SEMA5A: variants seen among roughly 807,000 people sequenced by gnomAD.
SEMA5A encodes semaphorin 5A.
A neutral mutation model predicts 135.5 loss-of-function variants in SEMA5A; 55 were observed. The observed-to-expected ratio is 0.41, with a 90% confidence interval of 0.33 to 0.51. SEMA5A has a LOEUF of 0.51. Among genes scored for constraint, SEMA5A ranks in the 20% least tolerant of loss-of-function variants. SEMA5A has a pLI of 0.37. For missense variants in SEMA5A, 1,290 were observed against 1,419.9 expected, an observed-to-expected ratio of 0.91 and a Z score of 1.47; for synonymous variants, 580 against 546.5, an observed-to-expected ratio of 1.06 and a Z score of -0.85.
chr5:9,460,794 G>C (rs548502047), intron 1 of SEMA5A, among the ~76,000 whole-genome samples: 1 of 152,208 alleles, frequency 6.6e-6, no homozygotes, highest in East Asian at 1.9e-4. Context: ...GAAATTATTT[G>C]CTATATTAAA....
intron 17 of SEMA5A, among the ~76,000 whole-genome samples, chr5:9,064,244 G>C (rs1192445779): frequency 6.6e-6 from 1 of 152,212 alleles, no homozygotes; most frequent in Non-Finnish European, 1.5e-5. Context: ...AGAGGAAAAT[G>C]AGTCCCATTT....
chr5:9,531,732 A>T (rs1737452119), intron 1 of SEMA5A, among the ~76,000 whole-genome samples: 1 of 152,164 alleles, frequency 6.6e-6, no homozygotes. Flanking sequence ...AGAGAGGAAA[A>T]ACCATCTCTA....
chr5:9,201,809 G>A, intron 9 of SEMA5A, 146 bp downstream of exon 9: 1 of 727,428 alleles, frequency 1.4e-6, no homozygotes. Flanking sequence ...GTAGTCTACT[G>A]AAAAGTCCTC....
At chr5:9,427,961 A>G (rs1256013288) in intron 2 of SEMA5A, among the ~76,000 whole-genome samples, 2 of 152,002 alleles carry the variant, frequency 1.3e-5, no homozygotes, top group Non-Finnish European at 2.9e-5. Flanking sequence ...ATCTGTTTCT[A>G]TATCTATTTA....
In SEMA5A at chr5:9,066,512, G is replaced by A; in HGVS notation, c.2208C>T (p.Arg736=). 4.3e-6 allele frequency: 7 copies of A among 1,614,150 alleles called. No homozygotes were observed. Among genetic ancestry groups the A allele is most frequent in the Non-Finnish European group, 5.1e-6 (6 of 1,180,024 alleles). Reference sequence around the variant, plus strand: ...CTTCCAGCAAATTCGGATCAGCCAGGCGGGCTTTGCATGTGTATCGGAATC... The same window carrying A: ...CTTCCAGCAAATTCGGATCAGCCAGACGGGCTTTGCATGTGTATCGGAATC... The part of the protein sequence containing the change: ...EQRFRYTCKA[R]LADPNLLEVG... Residue 736 remains arginine, a synonymous_variant, in exon 17 of 23, where the codon CGC becomes CGT. Transcript: ENST00000382496.
intron 15 of SEMA5A, among the ~76,000 whole-genome samples, chr5:9,112,476 T>C (rs1397745612): frequency 6.6e-6 from 1 of 152,194 alleles, no homozygotes; most frequent in Non-Finnish European, 1.5e-5. Flanking sequence ...TGATCAGCCC[T>C]CTACTGGGCC....
chr5:9,340,250 CCA>C (rs992406221), intron 3 of SEMA5A, among the ~76,000 whole-genome samples: 7 of 152,152 alleles, frequency 4.6e-5, no homozygotes, highest in African/African-American at 1.7e-4. Context: ...GGACCAGGCT[CCA>C]GAGTGAATAT....
At position 9,406,034 on chromosome 5, in the gene SEMA5A, A is replaced by T. The variant is rs140286533; in HGVS notation, c.-77-26011T>A. 1.8e-3 allele frequency among the ~76,000 whole-genome samples: 280 copies of T among 152,350 alleles called. 1 individual carries two copies. Among genetic ancestry groups the T allele is most frequent in the African/African-American group, 6.5e-3 (271 of 41,580 alleles). On this transcript the variant is annotated intron_variant, in intron 2 of 22. Coordinates refer to ENST00000382496, the MANE Select transcript of SEMA5A (RefSeq NM_003966.3). ...GGTTTCCAATTTACCATGAATGATG[A>T]TGGTACTACAGGTCTTCTGCCTTAC...
intron 4 of SEMA5A, among the ~76,000 whole-genome samples, chr5:9,321,453 T>A (rs9313272): frequency 0.17 from 25,673 of 152,162 alleles, 2,695 homozygotes; most frequent in South Asian, 0.23. Context: ...GGAGTCAGCA[T>A]TACCTAGCAA....
rs926387759 is a variant in SEMA5A at position 9,039,028 on chromosome 5, CTT to C, written c.*3867_*3868del. 1.3e-5 allele frequency: 2 copies of C among 152,338 alleles called. No individual in the cohort carries two copies. The highest frequency in any genetic ancestry group is 2.9e-5 in the Non-Finnish European group (2 of 68,178). 9.4% of individuals were successfully genotyped at this position (152,338 alleles called of 1,614,324 possible). A position where few individuals can be genotyped will look rare whatever the true frequency, so the allele number is the denominator to read the frequency against. On this transcript the variant is annotated 3_prime_UTR_variant, in exon 23 of 23. Transcript: ENST00000382496. ...ATAGGCATGAGCCACTGCACCCAGC[CTT>C]TGTCCATGATTTTGACAGCATGACC...
At chr5:9,471,204 G>A (rs537915757) in intron 1 of SEMA5A, among the ~76,000 whole-genome samples, 7 of 152,218 alleles carry the variant, frequency 4.6e-5, no homozygotes, top group African/African-American at 1.7e-4. Flanking sequence ...AAGTCTACAA[G>A]AACGGTAATA....
chr5:9,512,902 T>C (rs1314428141), intron 1 of SEMA5A, among the ~76,000 whole-genome samples: 2 of 152,082 alleles, frequency 1.3e-5, no homozygotes, highest in Non-Finnish European at 2.9e-5. Flanking sequence ...AATTTCAAAG[T>C]TTTTCAGTAA....
chr5:9,083,844 C>T (rs984682935), intron 16 of SEMA5A, among the ~76,000 whole-genome samples: 1 of 152,298 alleles, frequency 6.6e-6, no homozygotes, highest in East Asian at 1.9e-4. Flanking sequence ...GTAATTGTCA[C>T]TCTGGCCAAC....
chr5:9,295,991 T>A (rs556828876), intron 5 of SEMA5A, among the ~76,000 whole-genome samples: 1 of 152,266 alleles, frequency 6.6e-6, no homozygotes, highest in South Asian at 2.1e-4. Context: ...TGTCTCCATA[T>A]GCCAAATAAC....
At chr5:9,119,913 T>C (rs879608452) in intron 14 of SEMA5A, among the ~76,000 whole-genome samples, 40 of 151,516 alleles carry the variant, frequency 2.6e-4, no homozygotes, top group African/African-American at 9.5e-4. Context: ...TATAAAAATA[T>C]AAAATAAAAA....
chr5:9,282,422 G>A (rs1750589939), intron 5 of SEMA5A, among the ~76,000 whole-genome samples: 1 of 152,150 alleles, frequency 6.6e-6, no homozygotes, highest in African/African-American at 2.4e-5. Flanking sequence ...AGAAGAGGAT[G>A]TGGGATTTCT....
At chr5:9,499,528 A>C (rs752583654) in intron 1 of SEMA5A, among the ~76,000 whole-genome samples, 2 of 152,202 alleles carry the variant, frequency 1.3e-5, no homozygotes, top group African/African-American at 2.4e-5. Flanking sequence ...ACTGCAAGCT[A>C]TCTGAAGTCA....
At chr5:9,075,329 A>G (rs756025376) in intron 16 of SEMA5A, among the ~76,000 whole-genome samples, 5 of 152,110 alleles carry the variant, frequency 3.3e-5, no homozygotes, top group Non-Finnish European at 7.4e-5. Flanking sequence ...CTCTATATTT[A>G]CCCAAGAGAA....
intron 13 of SEMA5A, among the ~76,000 whole-genome samples, chr5:9,132,380 G>C (rs150744169): frequency 6.6e-6 from 1 of 152,148 alleles, no homozygotes; most frequent in Non-Finnish European, 1.5e-5. Context: ...GGTCAGGAGG[G>C]CTCCTACCTC....
Sources: gnomAD v4.1 joint callset for allele counts (sites outside exome capture counted in the v4.1 genomes callset) on GRCh38, gnomAD v4.1.1 for gene constraint, MANE v1.5 for transcripts, NCBI Gene and HGNC (gene_info 2026-07-23, HGNC 2026-07-21) for gene names.